Variants in DYNC1I1 observed in about 807,000 individuals in gnomAD.
DYNC1I1 encodes the protein dynein cytoplasmic 1 intermediate chain 1, also known as cytoplasmic dynein 1 intermediate chain 1.
DYNC1I1 carries 43 observed loss-of-function variants against 86.6 expected under a neutral mutation model. That is an observed-to-expected ratio of 0.50 (90% CI 0.39 to 0.64). The LOEUF (loss-of-function observed/expected upper bound fraction) is 0.64, where lower values mean the gene tolerates loss of function less well. Among genes scored for constraint, DYNC1I1 ranks in the 30% least tolerant of loss-of-function variants. The pLI, the probability that DYNC1I1 is intolerant of heterozygous loss-of-function variation, is 0.00. For synonymous variants in DYNC1I1, 262 were observed against 283.7 expected, an observed-to-expected ratio of 0.92 and a Z score of 0.77; for missense variants, 604 against 788.8, an observed-to-expected ratio of 0.77 and a Z score of 2.81.
chr7:96,073,256 G>T (rs1054011571), intron 14 of DYNC1I1, among the ~76,000 whole-genome samples: 5 of 152,194 alleles, frequency 3.3e-5, no homozygotes, highest in African/African-American at 1.2e-4. Context: ...GGTGAAGGGT[G>T]ATAAGGAGGT....
At chr7:95,908,746 A>G (rs1011548941) in intron 6 of DYNC1I1, among the ~76,000 whole-genome samples, 1 of 152,146 alleles carries the variant, frequency 6.6e-6, no homozygotes, top group Admixed American at 6.5e-5. Flanking sequence ...GAAAGTGTGC[A>G]GGCTTAGATA....
intron 6 of DYNC1I1, among the ~76,000 whole-genome samples, chr7:95,917,952 C>T (rs2116366061): frequency 6.6e-6 from 1 of 152,314 alleles, no homozygotes. Flanking sequence ...TAGATGAGGC[C>T]TCAGAGGACC....
intron 9 of DYNC1I1, among the ~76,000 whole-genome samples, chr7:95,993,075 A>G (rs1793770861): frequency 1.3e-5 from 2 of 152,246 alleles, no homozygotes; most frequent in South Asian, 2.1e-4. Context: ...CTTTAAAAAC[A>G]TAACTTCGAA....
At chr7:95,918,743 TTC>T (rs1263879743) in intron 6 of DYNC1I1, among the ~76,000 whole-genome samples, 4 of 152,196 alleles carry the variant, frequency 2.6e-5, no homozygotes, top group African/African-American at 7.2e-5. Context: ...GAGCTGAGTT[TTC>T]TCTGTTTTCC....
chr7:95,946,409 CA>C (rs2116465189), intron 6 of DYNC1I1, among the ~76,000 whole-genome samples: 1 of 152,270 alleles, frequency 6.6e-6, no homozygotes, highest in East Asian at 1.9e-4. Context: ...TGGAAAAGCA[CA>C]TAAGCATGAT....
intron 10 of DYNC1I1, among the ~76,000 whole-genome samples, chr7:95,996,478 CTTTAAG>C (rs1414430466): frequency 6.6e-6 from 1 of 152,184 alleles, no homozygotes; most frequent in African/African-American, 2.4e-5. Flanking sequence ...ATTTTGCTGA[CTTTAAG>C]TTTATGGGCG....
chr7:95,965,868 G>A (rs1792998261), intron 6 of DYNC1I1, among the ~76,000 whole-genome samples: 1 of 152,136 alleles, frequency 6.6e-6, no homozygotes. Flanking sequence ...TTGGCCCTAG[G>A]CACTAGGGTC....
intron 16 of DYNC1I1, among the ~76,000 whole-genome samples, chr7:96,093,020 C>G (rs1293226722): frequency 6.6e-6 from 1 of 152,122 alleles, no homozygotes; most frequent in Admixed American, 6.5e-5. Context: ...CCTCTCCTAC[C>G]TGTTAAAGAA....
At chr7:95,972,541 C>T (rs1045850520) in intron 6 of DYNC1I1, among the ~76,000 whole-genome samples, 3 of 111,524 alleles carry the variant, frequency 2.7e-5, no homozygotes, top group Admixed American at 2.6e-4. Context: ...ATCACCAATC[C>T]GGATTGCTGC....
chr7:96,013,693 A>G (rs1456002645), intron 10 of DYNC1I1, among the ~76,000 whole-genome samples: 1 of 152,136 alleles, frequency 6.6e-6, no homozygotes, highest in Admixed American at 6.5e-5. Flanking sequence ...TCCTGGGCTC[A>G]AGTGATCCTC....
intron 1 of DYNC1I1, among the ~76,000 whole-genome samples, chr7:95,799,531 G>T (rs1273062030): frequency 6.6e-6 from 1 of 152,154 alleles, no homozygotes; most frequent in Non-Finnish European, 1.5e-5. Context: ...TGCAGGGGAT[G>T]CCTGCTGGGG....
intron 1 of DYNC1I1, among the ~76,000 whole-genome samples, chr7:95,794,186 G>T (rs1032516378): frequency 2.0e-5 from 3 of 152,076 alleles, no homozygotes; most frequent in Admixed American, 1.3e-4. Context: ...GTGCCTAGAG[G>T]GCTCCCATCT....
At chr7:96,064,214 C>A (rs1189834338) in intron 14 of DYNC1I1, among the ~76,000 whole-genome samples, 2 of 39,404 alleles carry the variant, frequency 5.1e-5, no homozygotes, top group African/African-American at 4.5e-4. Flanking sequence ...ATTCATATCT[C>A]TCTCTCTCTC....
intron 14 of DYNC1I1, among the ~76,000 whole-genome samples, chr7:96,047,283 A>G (rs1415572369): frequency 2.0e-5 from 3 of 152,158 alleles, no homozygotes; most frequent in South Asian, 4.1e-4. Flanking sequence ...GAGGGACACA[A>G]ATATTCAATT....
intron 6 of DYNC1I1, among the ~76,000 whole-genome samples, chr7:95,958,677 G>A (rs968721674): frequency 1.3e-5 from 2 of 152,174 alleles, no homozygotes; most frequent in African/African-American, 4.8e-5. Context: ...ATCAAAAATT[G>A]TATCTCTAAA....
At chr7:96,057,347 A>C (rs1303218435) in intron 14 of DYNC1I1, among the ~76,000 whole-genome samples, 1 of 152,200 alleles carries the variant, frequency 6.6e-6, no homozygotes, top group Non-Finnish European at 1.5e-5. Flanking sequence ...AGTAGAAGTT[A>C]AAGAAAAAAA....
intron 5 of DYNC1I1, among the ~76,000 whole-genome samples, chr7:95,836,127 T>A (rs1194256453): frequency 1.3e-5 from 2 of 152,162 alleles, no homozygotes; most frequent in Non-Finnish European, 2.9e-5. Flanking sequence ...TTCCTTTCCA[T>A]GTTTAGCGCT....
chr7:95,940,001 A>C (rs1792159121), intron 6 of DYNC1I1, among the ~76,000 whole-genome samples: 2 of 152,106 alleles, frequency 1.3e-5, no homozygotes, highest in Admixed American at 6.6e-5. Flanking sequence ...TGGTGGTGAC[A>C]AAATCTCTCA....
At chr7:95,796,730 G>A (rs73226534) in intron 1 of DYNC1I1, among the ~76,000 whole-genome samples, 1,587 of 151,984 alleles carry the variant, frequency 0.01, 11 homozygotes, top group Middle Eastern at 0.02. Context: ...AAATGTCTCT[G>A]TAGGCTTTAG....
Sources: allele counts gnomAD v4.1 joint callset (sites outside exome capture counted in the v4.1 genomes callset), GRCh38; gene constraint gnomAD v4.1.1; transcripts MANE v1.5; gene names NCBI Gene and HGNC (gene_info 2026-07-23, HGNC 2026-07-21).